Variants in DPYD observed in about 807,000 individuals in gnomAD.
DPYD encodes dihydropyrimidine dehydrogenase [NADP(+)].
DPYD carries 109 observed loss-of-function variants against 116.2 expected under a neutral mutation model. The observed-to-expected ratio is 0.94, with a 90% CI of 0.80 to 1.10. The LOEUF (loss-of-function observed/expected upper bound fraction) is 1.10. Ranked by LOEUF, DPYD falls within the 50% of genes least tolerant of loss-of-function variation. The pLI is 0.00. For synonymous variants in DPYD, 440 were observed against 432.0 expected (o/e 1.02, Z -0.23); for missense variants, 1,302 against 1,254.5 (o/e 1.04, Z -0.57).
chr1:97,161,887 C>A (rs1177277639), intron 20 of DPYD, among the ~76,000 whole-genome samples: 1 of 151,900 alleles, frequency 6.6e-6, no homozygotes, highest in African/African-American at 2.4e-5. Flanking sequence ...CATGTCCCTA[C>A]AAAGGACATG....
intron 16 of DPYD, among the ~76,000 whole-genome samples, chr1:97,344,975 C>T (rs1036477394): frequency 6.6e-6 from 1 of 151,932 alleles, no homozygotes; most frequent in Non-Finnish European, 1.5e-5. Flanking sequence ...TCCCCACACT[C>T]TCTATAGCAC....
In DPYD at chr1:97,384,218, C is replaced by A. The variant is rs957277705; in HGVS notation, c.1906-1757G>T. On this transcript the variant is annotated intron_variant, in intron 14 of 22. Coordinates refer to ENST00000370192, the MANE Select transcript of DPYD (RefSeq NM_000110.4). ...TCCTCTAAAAGCCACTGTGCTCTCACTACATAGAGCTTTTTTATTTACTTT... is the reference window on the plus strand; with the variant it reads ...TCCTCTAAAAGCCACTGTGCTCTCAATACATAGAGCTTTTTTATTTACTTT... 1.1e-3 allele frequency among the ~76,000 whole-genome samples: 155 copies of A among 146,982 alleles called. 1 individual carries two copies. Among genetic ancestry groups the A allele is most frequent in the Admixed American group, 1.4e-3 (20 of 14,648 alleles).
intron 1 of DPYD, among the ~76,000 whole-genome samples, chr1:97,909,168 C>T (rs1673794087): frequency 6.6e-6 from 1 of 152,082 alleles, no homozygotes; most frequent in Non-Finnish European, 1.5e-5. Context: ...TTTCCTCTCA[C>T]CCTCAGTTGG....
In DPYD at chr1:97,159,483, G is replaced by A. The variant is rs544340241; in HGVS notation, c.2622+33586C>T. 8.6e-5 allele frequency among the ~76,000 whole-genome samples: 13 copies of A among 151,886 alleles called. No homozygotes were observed. In the East Asian group the frequency reaches 1.9e-3, roughly 23 times the overall value. On this transcript the variant is annotated intron_variant, in intron 20 of 22. Coordinates refer to ENST00000370192, the MANE Select transcript of DPYD (RefSeq NM_000110.4). ...TATTCATTTGGAGTCTCAGAAAAGA[G>A]GAAGAAAGAATGAAACAGAAAAACT...
At chr1:97,777,623 G>T in intron 3 of DPYD, among the ~76,000 whole-genome samples, 1 of 152,160 alleles carries the variant, frequency 6.6e-6, no homozygotes, top group Non-Finnish European at 1.5e-5. Flanking sequence ...CAGCCAAACA[G>T]AAAGGTATTT....
chr1:97,349,132 T>C (rs1249686488), intron 16 of DPYD, among the ~76,000 whole-genome samples: 2 of 152,142 alleles, frequency 1.3e-5, no homozygotes, highest in African/African-American at 4.8e-5. Context: ...TGCAGTTTCC[T>C]GATCTAGAAA....
At chr1:97,163,002 A>C (rs1343863458) in intron 20 of DPYD, among the ~76,000 whole-genome samples, 5 of 150,968 alleles carry the variant, frequency 3.3e-5, no homozygotes, top group Non-Finnish European at 7.4e-5. Context: ...AAAGACTTAA[A>C]CGTTAGACCT....
chr1:97,592,167 T>C (rs927452505), intron 10 of DPYD, among the ~76,000 whole-genome samples: 2 of 152,246 alleles, frequency 1.3e-5, no homozygotes, highest in Admixed American at 1.3e-4. Context: ...AAGTTCATAA[T>C]ACTGATTTGA....
At chr1:97,747,918 C>T (rs143900858) in intron 3 of DPYD, among the ~76,000 whole-genome samples, 209 of 152,164 alleles carry the variant, frequency 1.4e-3, no homozygotes, top group African/African-American at 4.6e-3. Flanking sequence ...CAAATTGTTG[C>T]GATAATTTTT....
At chr1:97,209,595 C>T (rs1052057134) in intron 19 of DPYD, among the ~76,000 whole-genome samples, 8 of 152,054 alleles carry the variant, frequency 5.3e-5, no homozygotes, top group Non-Finnish European at 8.8e-5. Context: ...AATGATGAGT[C>T]GTGAAACTTT....
At chr1:97,134,541 T>C (rs951254153) in intron 20 of DPYD, among the ~76,000 whole-genome samples, 19 of 152,140 alleles carry the variant, frequency 1.2e-4, no homozygotes, top group East Asian at 1.9e-4. Flanking sequence ...ATTAAATGAA[T>C]TGAATTAACA....
intron 18 of DPYD, among the ~76,000 whole-genome samples, chr1:97,299,724 A>G (rs531714804): frequency 3.3e-5 from 5 of 152,118 alleles, no homozygotes; most frequent in Non-Finnish European, 1.5e-5. Flanking sequence ...CAGACTCAGC[A>G]CTTGGCATTT....
chr1:97,325,686 G>A (rs140646653), intron 16 of DPYD, among the ~76,000 whole-genome samples: 6 of 152,118 alleles, frequency 3.9e-5, no homozygotes, highest in African/African-American at 7.2e-5. Context: ...GTGTATGAGA[G>A]AGATGTGAGG....
rs553133699 is a variant in DPYD, at chr1:97,539,915, T to G, written c.1524+9645A>C. On this transcript the variant is annotated intron_variant, in intron 12 of 22. Transcript: ENST00000370192. ...TTTCTCTCCACTTTTTGCAACCAAA[T>G]CTGTCTATATGCTAATACTAGAACA... is the stretch of plus-strand genomic sequence containing the variant. Among the ~76,000 whole-genome samples, 30 of 152,268 alleles carry G rather than the reference T, an allele frequency of 2.0e-4. No homozygotes were observed. The South Asian group carries it at 2.1e-3, about 11-fold the overall frequency.
intron 2 of DPYD, among the ~76,000 whole-genome samples, chr1:97,852,533 T>C (rs996447571): frequency 9.2e-5 from 14 of 152,298 alleles, no homozygotes; most frequent in Admixed American, 5.9e-4. Flanking sequence ...GTATTAATGA[T>C]GATGTTATCC....
chr1:97,113,415 C>A (rs888342598), intron 20 of DPYD, among the ~76,000 whole-genome samples: 1 of 151,956 alleles, frequency 6.6e-6, no homozygotes, highest in Non-Finnish European at 1.5e-5. Flanking sequence ...CCTTAGGAAT[C>A]CATTTCGTAG....
At chr1:97,749,062 T>C (rs1406444647) in intron 3 of DPYD, among the ~76,000 whole-genome samples, 1 of 152,206 alleles carries the variant, frequency 6.6e-6, no homozygotes, top group Non-Finnish European at 1.5e-5. Context: ...CCTTTATTCC[T>C]GCTCCACACA....
chr1:97,748,892 A>G (rs1664708156), intron 3 of DPYD, among the ~76,000 whole-genome samples: 1 of 152,224 alleles, frequency 6.6e-6, no homozygotes, highest in African/African-American at 2.4e-5. Flanking sequence ...ATTAAAAATG[A>G]CAGGTTGGAC....
chr1:97,466,390 C>T lies in DPYD; in HGVS notation c.1741-16167G>A, dbSNP rs575971747. ...ATCATCATGGTGGCAGTTTTCTTTT[C>T]GGCTGTAATCACAGTCTGACTTCAC... On this transcript the variant is annotated intron_variant, in intron 13 of 22. Coordinates refer to ENST00000370192, the MANE Select transcript of DPYD (RefSeq NM_000110.4). 9.2e-5 allele frequency among the ~76,000 whole-genome samples: 14 copies of T among 152,062 alleles called. No individual in the cohort carries two copies. The East Asian group carries it at 1.9e-3, about 21-fold the overall frequency.
Sources: gnomAD v4.1 joint callset for allele counts (sites outside exome capture counted in the v4.1 genomes callset) on GRCh38, gnomAD v4.1.1 for gene constraint, MANE v1.5 for transcripts, NCBI Gene and HGNC (gene_info 2026-07-23, HGNC 2026-07-21) for gene names.